The following MACROD2 variants were observed in gnomAD, a reference collection of about 807,000 sequenced individuals.
The protein encoded by MACROD2 is mono-ADP ribosylhydrolase 2.
A neutral mutation model predicts 70.4 loss-of-function variants in MACROD2; 36 were observed. The observed-to-expected ratio is 0.51, with a 90% CI of 0.39 to 0.68. The LOEUF is 0.68. Ranked by LOEUF, MACROD2 falls within the 30% of genes least tolerant of loss-of-function variation. The pLI, the probability that MACROD2 is intolerant of heterozygous loss-of-function variation, is 0.00. For missense variants in MACROD2, 496 were observed against 538.4 expected (o/e 0.92, Z 0.78); for synonymous variants, 172 against 178.8 (o/e 0.96, Z 0.30).
At chr20:15,409,114 A>G (rs2046043342) in intron 6 of MACROD2, among the ~76,000 whole-genome samples, 1 of 152,168 alleles carries the variant, frequency 6.6e-6, no homozygotes, top group Admixed American at 6.5e-5. Context: ...CTGGTTGGAT[A>G]TAGGTCAGCT....
At chr20:15,871,352 A>G (rs2064580826) in intron 9 of MACROD2, among the ~76,000 whole-genome samples, 1 of 152,096 alleles carries the variant, frequency 6.6e-6, no homozygotes, top group Non-Finnish European at 1.5e-5. Flanking sequence ...GAAAGTACTC[A>G]CATTATGTCT....
chr20:14,223,777 C>T (rs2081705271), intron 3 of MACROD2, among the ~76,000 whole-genome samples: 2 of 152,116 alleles, frequency 1.3e-5, no homozygotes, highest in East Asian at 1.9e-4. Context: ...GGAGTACAGG[C>T]GTGAGCCACC....
intron 13 of MACROD2, among the ~76,000 whole-genome samples, chr20:15,982,005 CT>C (rs1157267629): frequency 6.6e-6 from 1 of 151,372 alleles, no homozygotes; most frequent in Non-Finnish European, 1.5e-5. Context: ...TTTTTTTTCC[CT>C]CATCAGAGAA....
At chr20:14,830,815 C>A (rs1490354699) in intron 5 of MACROD2, among the ~76,000 whole-genome samples, 1 of 152,146 alleles carries the variant, frequency 6.6e-6, no homozygotes, top group Non-Finnish European at 1.5e-5. Context: ...CATAATTGAA[C>A]CAGCCACAAA....
intron 8 of MACROD2, among the ~76,000 whole-genome samples, chr20:15,789,619 AT>A (rs1393760585): frequency 6.6e-6 from 1 of 151,802 alleles, no homozygotes; most frequent in East Asian, 1.9e-4. Context: ...AAAAAATGAA[AT>A]CTGCAGAATG....
chr20:14,536,895 T>G (rs1476050074), intron 4 of MACROD2, among the ~76,000 whole-genome samples: 1 of 152,186 alleles, frequency 6.6e-6, no homozygotes, highest in African/African-American at 2.4e-5. Context: ...TGTTCAGTTT[T>G]TAACTGAATT....
At chr20:15,811,611 A>T (rs1286530414) in intron 8 of MACROD2, among the ~76,000 whole-genome samples, 1 of 152,014 alleles carries the variant, frequency 6.6e-6, no homozygotes, top group Admixed American at 6.6e-5. Context: ...TTAAGAACAC[A>T]AGCCTGATCT....
At chr20:15,246,075 C>T (rs2077102695) in intron 6 of MACROD2, among the ~76,000 whole-genome samples, 1 of 152,186 alleles carries the variant, frequency 6.6e-6, no homozygotes, top group Non-Finnish European at 1.5e-5. Context: ...TGTCCTAAAA[C>T]AATCTAAAGA....
chr20:15,142,486 TTTG>T lies in MACROD2; in HGVS notation c.419-87451_419-87449del, dbSNP rs144304043. 3.4e-3 allele frequency among the ~76,000 whole-genome samples: 519 copies of T among 152,246 alleles called. 4 individuals are homozygous for T. Among genetic ancestry groups the T allele is most frequent in the African/African-American group, 0.011 (461 of 41,574 alleles). On this transcript the variant is annotated intron_variant, in intron 5 of 17. Coordinates refer to ENST00000684519, the MANE Select transcript of MACROD2 (RefSeq NM_001351661.2). ...TAGTTATGGTTTTCATAGGCATTTT[TTTG>T]TTATTTTCCATTTTTACTACTTTTA... is the stretch of plus-strand genomic sequence containing the variant.
intron 5 of MACROD2, among the ~76,000 whole-genome samples, chr20:14,787,795 G>C (rs1165138405): frequency 6.6e-6 from 1 of 152,108 alleles, no homozygotes; most frequent in African/African-American, 2.4e-5. Flanking sequence ...AGGAGATTCA[G>C]AAGGTGATCT....
chr20:14,286,253 T>G (rs1046370630), intron 3 of MACROD2, among the ~76,000 whole-genome samples: 1 of 152,154 alleles, frequency 6.6e-6, no homozygotes, highest in African/African-American at 2.4e-5. Flanking sequence ...GGAGAAGTCT[T>G]TTTTTCTCTC....
At chr20:14,440,321 C>G (rs2084107205) in intron 3 of MACROD2, among the ~76,000 whole-genome samples, 1 of 152,052 alleles carries the variant, frequency 6.6e-6, no homozygotes, top group Non-Finnish European at 1.5e-5. Flanking sequence ...ACTTCATAAA[C>G]TTTCTTAAAA....
chr20:14,386,733 C>T (rs1338261010), intron 3 of MACROD2, among the ~76,000 whole-genome samples: 1 of 152,194 alleles, frequency 6.6e-6, no homozygotes, highest in Admixed American at 6.5e-5. Flanking sequence ...GCTTCCTGAA[C>T]AGCCTGCAGA....
chr20:14,463,023 A>T (rs2084390980), intron 3 of MACROD2, among the ~76,000 whole-genome samples: 1 of 150,900 alleles, frequency 6.6e-6, no homozygotes, highest in South Asian at 2.1e-4. Flanking sequence ...TGCGGGCTGT[A>T]TTTTGGTTCC....
intron 2 of MACROD2, among the ~76,000 whole-genome samples, chr20:14,012,177 G>T (rs1481390869): frequency 3.3e-5 from 5 of 152,134 alleles, no homozygotes; most frequent in Non-Finnish European, 7.4e-5. Context: ...AAAGTGCTGG[G>T]ATTACAGGTG....
At chr20:15,953,578 T>C (rs2065936209) in intron 12 of MACROD2, among the ~76,000 whole-genome samples, 1 of 152,152 alleles carries the variant, frequency 6.6e-6, no homozygotes, top group South Asian at 2.1e-4. Context: ...GTTAAGGCTT[T>C]TTTGAATCTC....
At chr20:15,747,333 A>T (rs2051198762) in intron 8 of MACROD2, among the ~76,000 whole-genome samples, 1 of 152,118 alleles carries the variant, frequency 6.6e-6, no homozygotes, top group Non-Finnish European at 1.5e-5. Flanking sequence ...CTGTGCACCA[A>T]AGTAGGTGTG....
intron 3 of MACROD2, among the ~76,000 whole-genome samples, chr20:14,158,161 C>A (rs2055131226): frequency 6.6e-6 from 1 of 152,062 alleles, no homozygotes; most frequent in African/African-American, 2.4e-5. Flanking sequence ...TTTTGATTTA[C>A]ATTTCCCTGA....
chr20:15,070,009 C>T (rs748926904), intron 5 of MACROD2, among the ~76,000 whole-genome samples: 62 of 152,272 alleles, frequency 4.1e-4, no homozygotes, highest in Non-Finnish European at 3.4e-4. Flanking sequence ...GCACTCAACT[C>T]CAACCTTTGA....
Sources: gnomAD v4.1 joint callset for allele counts (sites outside exome capture counted in the v4.1 genomes callset) on GRCh38, gnomAD v4.1.1 for gene constraint, MANE v1.5 for transcripts, NCBI Gene and HGNC (gene_info 2026-07-23, HGNC 2026-07-21) for gene names.